Variants in CD3E observed in about 807,000 individuals in gnomAD.
The protein encoded by CD3E is CD3 epsilon subunit of T-cell receptor complex.
A neutral mutation model predicts 34.7 loss-of-function variants in CD3E; 16 were observed. The ratio of observed to expected loss-of-function variants is 0.46; its 90% CI spans 0.31 to 0.70. The LOEUF is 0.70. CD3E is among the 30% of genes least tolerant of loss of function. CD3E has a pLI of 0.05. For missense variants in CD3E, 223 were observed against 253.9 expected (o/e 0.88, Z 0.83); for synonymous variants, 70 against 90.8 (o/e 0.77, Z 1.30).
intron 8 of CD3E, 128 bp downstream of exon 8, chr11:118,314,622 A>C: frequency 1.2e-6 from 1 of 803,422 alleles, no homozygotes; most frequent in Non-Finnish European, 2.1e-6. Context: ...TTCCATTACA[A>C]CCCTCTATGT....
chr11:118,314,475 T>C lies in CD3E; in HGVS notation c.548T>C (p.Val183Ala), dbSNP rs148290036. The C allele has an allele frequency of 3.0e-5, 49 of 1,613,798 alleles. No homozygotes were observed. Among genetic ancestry groups the C allele is most frequent in the Non-Finnish European group, 4.0e-5 (47 of 1,179,896 alleles). Residue 183 changes from valine (V) to alanine (A), a missense_variant, in exon 8 of 9, where the codon GTT becomes GCT. By Grantham distance (64) the Val-to-Ala change is moderately conservative. Transcript: ENST00000361763. ...CAAAACAAGGAGAGGCCACCACCTGTTCCCAACCCAGACTATGAGGTAACG... is the reference window on the plus strand; with the variant it reads ...CAAAACAAGGAGAGGCCACCACCTGCTCCCAACCCAGACTATGAGGTAACG... ...RGQNKERPPP[V>A]PNPDYEPIRK... is the part of the protein sequence containing the mutation.
intron 2 of CD3E, among the ~76,000 whole-genome samples, chr11:118,305,493 G>A (rs561374451): frequency 3.9e-4 from 60 of 152,164 alleles, no homozygotes; most frequent in African/African-American, 1.4e-3. Context: ...GAAGCAAGAT[G>A]GATTATGAAT....
chr11:118,307,246 A>C, intron 2 of CD3E, 42 bp from the exon 3 acceptor site: 1 of 1,555,466 alleles, frequency 6.4e-7, no homozygotes, highest in Non-Finnish European at 8.9e-7. Context: ...GCAGGTACCC[A>C]CAACATTTAC....
At chr11:118,314,719 A>G (rs1173527755) in intron 8 of CD3E, among the ~76,000 whole-genome samples, 1 of 152,138 alleles carries the variant, frequency 6.6e-6, no homozygotes, top group Non-Finnish European at 1.5e-5. Context: ...AGCTTGCAGG[A>G]GACATACTCC....
intron 3 of CD3E, among the ~76,000 whole-genome samples, chr11:118,307,665 G>A (rs1404167326): frequency 6.6e-6 from 1 of 152,168 alleles, no homozygotes; most frequent in Non-Finnish European, 1.5e-5. Context: ...AAGCTGCTGG[G>A]GCAACATTTG....
In CD3E at chr11:118,313,808, A is replaced by G; in HGVS notation, c.454A>G (p.Ser152Gly). 6.2e-7 allele frequency: 1 copy of G among 1,614,078 alleles called. No individual in the cohort carries two copies. Among genetic ancestry groups the G allele is most frequent in the Non-Finnish European group, 8.5e-7 (1 of 1,180,032 alleles). The change falls in exon 7 of 9, where the codon AGC becomes GGC. Residue 152 changes from serine (S) to glycine (G), a missense_variant. Transcript: ENST00000361763. ...GGLLLLVYYWSKNRKAKAKPV... is the reference protein window; with the variant it reads ...GGLLLLVYYWGKNRKAKAKPV... ...CTTGCTGCTGCTGGTTTACTACTGG[A>G]GCAAGAATAGAAAGGCCAAGGCCAA...
Position 118,308,405 on chromosome 11 carries a change from C to A in CD3E, c.71-22C>A, listed in dbSNP as rs201307774. ...TTGCCGATAGAAACATTACTAATGG[C>A]TTCTTACTGTTTCCTTTTCAGGTAA... is the stretch of plus-strand genomic sequence containing the variant. On this transcript the variant is annotated intron_variant, in intron 3 of 8. Coordinates refer to ENST00000361763, the MANE Select transcript of CD3E (RefSeq NM_000733.4). 3.3e-4 allele frequency: 516 copies of A among 1,586,184 alleles called. 4 individuals carry two copies. In the African/African-American group the frequency reaches 5.8e-3, roughly 18 times the overall value.
chr11:118,313,291 C>T, intron 6 of CD3E: 1 of 341,712 alleles, frequency 2.9e-6, no homozygotes, highest in Non-Finnish European at 5.6e-6. Context: ...CAATACTTAA[C>T]ATTTATTGAG....
intron 8 of CD3E, among the ~76,000 whole-genome samples, chr11:118,314,996 C>T (rs982993326): frequency 7.5e-6 from 1 of 134,088 alleles, no homozygotes; most frequent in Non-Finnish European, 1.6e-5. Flanking sequence ...CACACACACA[C>T]ACACGTGACC....
chr11:118,314,552 G>A, intron 8 of CD3E, 58 bp downstream of exon 8: 1 of 1,493,134 alleles, frequency 6.7e-7, no homozygotes, highest in Non-Finnish European at 9.3e-7. Flanking sequence ...CAGGGGGGAA[G>A]GAAACAGATG....
At chr11:118,312,582 T>C (rs1948141506) in intron 5 of CD3E, 36 bp from the exon 6 acceptor site, 13 of 1,613,914 alleles carry the variant, frequency 8.1e-6, no homozygotes, top group Non-Finnish European at 1.1e-5. Context: ...AAAATTGTCC[T>C]GGTTTCTTCT....
At position 118,312,794 on chromosome 11, in the gene CD3E, G is replaced by T; in HGVS notation, c.280G>T (p.Gly94Cys). 6.2e-7 allele frequency: 1 copy of T among 1,614,162 alleles called. No homozygotes were observed. Among genetic ancestry groups the T allele is most frequent in the Non-Finnish European group, 8.5e-7 (1 of 1,180,030 alleles). ...LKEFSELEQS[G>C]YYVCYPRGSK... ...GGAATTTTCAGAATTGGAGCAAAGT[G>T]GTTATTATGTCTGCTACCCCAGAGG... is the stretch of plus-strand genomic sequence containing the variant. Residue 94 changes from glycine (G) to cysteine (C), a missense_variant, in exon 6 of 9, where the codon GGT becomes TGT. Coordinates refer to ENST00000361763, the MANE Select transcript of CD3E (RefSeq NM_000733.4).
At chr11:118,314,960 TACACACAC>T (rs58102034) in intron 8 of CD3E, among the ~76,000 whole-genome samples, 28,608 of 143,614 alleles carry the variant, frequency 0.2, 2,907 homozygotes, top group Admixed American at 0.24. Context: ...CACACACACA[TACACACAC>T]ACACACACAC....
intron 5 of CD3E, 100 bp from the exon 6 acceptor site, chr11:118,312,518 G>A (rs1948141098): frequency 3.7e-6 from 5 of 1,362,266 alleles, no homozygotes; most frequent in Non-Finnish European, 1.0e-6. Context: ...AGATCTAGAT[G>A]ACAGATGACT....
intron 4 of CD3E, among the ~76,000 whole-genome samples, chr11:118,311,715 C>T (rs187137258): frequency 2.9e-4 from 44 of 152,286 alleles, no homozygotes; most frequent in Admixed American, 5.2e-4. Context: ...CAGTAGCGCT[C>T]CCTTCTGACA....
intron 7 of CD3E, among the ~76,000 whole-genome samples, 186 bp from the exon 8 acceptor site, chr11:118,314,262 A>G (rs375036569): frequency 5.9e-5 from 9 of 152,260 alleles, no homozygotes; most frequent in African/African-American, 2.2e-4. Context: ...AATGATGAGA[A>G]GAGTGTAGGG....
chr11:118,305,076 T>A, intron 2 of CD3E, 75 bp downstream of exon 2: 15 of 1,289,648 alleles, frequency 1.2e-5, no homozygotes, highest in Non-Finnish European at 1.5e-5. Context: ...TGGCACTGCC[T>A]AGTGGCACCA....
chr11:118,305,804 T>C (rs537289312), intron 2 of CD3E, among the ~76,000 whole-genome samples: 1 of 152,356 alleles, frequency 6.6e-6, no homozygotes, highest in East Asian at 1.9e-4. Flanking sequence ...AGACCAGGAC[T>C]GTTTGTACTC....
intron 7 of CD3E, among the ~76,000 whole-genome samples, chr11:118,314,157 G>A (rs1948152115): frequency 6.6e-6 from 1 of 152,168 alleles, no homozygotes; most frequent in African/African-American, 2.4e-5. Flanking sequence ...TAAGCTGTGG[G>A]AAGAGAGACT....
Sources: allele counts gnomAD v4.1 joint callset (sites outside exome capture counted in the v4.1 genomes callset), GRCh38; gene constraint gnomAD v4.1.1; transcripts MANE v1.5; gene names NCBI Gene and HGNC (gene_info 2026-07-23, HGNC 2026-07-21).